PMFBP1: variants seen among roughly 807,000 people sequenced by gnomAD.
PMFBP1 encodes the protein polyamine modulated factor 1 binding protein 1, also known as polyamine-modulated factor 1-binding protein 1.
In PMFBP1, 131 loss-of-function variants were observed where a neutral mutation model predicts 137.8. That is an observed-to-expected ratio of 0.95 (90% CI 0.82 to 1.10). The LOEUF (loss-of-function observed/expected upper bound fraction) is 1.10, where lower values mean the gene tolerates loss of function less well. Among genes scored for constraint, PMFBP1 ranks in the 50% least tolerant of loss-of-function variants. The pLI is 0.00. For synonymous variants in PMFBP1, 490 were observed against 450.4 expected (o/e 1.09, Z -1.11); for missense variants, 1,199 against 1,175.4 (o/e 1.02, Z -0.29).
intron 5 of PMFBP1, among the ~76,000 whole-genome samples, chr16:72,143,553 G>C (rs1296387395): frequency 6.7e-6 from 1 of 149,742 alleles, no homozygotes; most frequent in Non-Finnish European, 1.5e-5. Context: ...GACCAGCCTG[G>C]CCAACATGGT....
intron 3 of PMFBP1, among the ~76,000 whole-genome samples, chr16:72,157,395 A>C (rs1009981181): frequency 2.6e-5 from 4 of 152,132 alleles, no homozygotes; most frequent in Non-Finnish European, 5.9e-5. Flanking sequence ...TGGAAGGCCA[A>C]ATTGAGAAGC....
chr16:72,237,636 CT>C, the PMFBP1 span, among the ~76,000 whole-genome samples: 2 of 151,728 alleles, frequency 1.3e-5, no homozygotes, highest in African/African-American at 2.4e-5. Flanking sequence ...CTCTATATGT[CT>C]TTTTTTTAAA....
chr16:72,201,911 A>T, the PMFBP1 span, among the ~76,000 whole-genome samples: 2 of 152,174 alleles, frequency 1.3e-5, no homozygotes, highest in South Asian at 2.1e-4. Flanking sequence ...GGCCTCCCAG[A>T]TCCTTCTCAT....
intron 5 of PMFBP1, among the ~76,000 whole-genome samples, chr16:72,142,944 G>T (rs2144363663): frequency 6.6e-6 from 1 of 151,668 alleles, no homozygotes; most frequent in Middle Eastern, 3.4e-3. Flanking sequence ...GAAAATAGAT[G>T]AAAAAAAATT....
chr16:72,125,329 T>G lies in PMFBP1; in HGVS notation c.2330A>C (p.Glu777Ala). ...TQTQEKKAQL[E>A]EEIIAYEERM... ...TTCCTCATAAGCAATGATTTCCTCTTCCAGCTGAGCTTTCTTCTCTTGGGT... is the reference window on the plus strand; with the variant it reads ...TTCCTCATAAGCAATGATTTCCTCTGCCAGCTGAGCTTTCTTCTCTTGGGT... The change falls in exon 16 of 21, where the codon GAA becomes GCA. Residue 777 changes from glutamate to alanine, a missense_variant. Coordinates refer to ENST00000237353, the MANE Select transcript of PMFBP1 (RefSeq NM_031293.3). 1.9e-6 allele frequency: 3 copies of G among 1,614,166 alleles called. No homozygotes were observed. Among genetic ancestry groups the G allele is most frequent in the Non-Finnish European group, 2.5e-6 (3 of 1,180,028 alleles).
intron 5 of PMFBP1, among the ~76,000 whole-genome samples, chr16:72,141,424 TTTC>T (rs2042720628): frequency 6.6e-6 from 1 of 152,224 alleles, no homozygotes; most frequent in Admixed American, 6.5e-5. Flanking sequence ...GATCTGAATT[TTTC>T]TTTGACCGTC....
At chr16:72,143,665 C>T (rs1200614429) in intron 5 of PMFBP1, among the ~76,000 whole-genome samples, 1 of 151,956 alleles carries the variant, frequency 6.6e-6, no homozygotes, top group East Asian at 1.9e-4. Context: ...ATTGCTTGAA[C>T]CCAAGAGGCG....
chr16:72,243,667 T>C, the PMFBP1 span, among the ~76,000 whole-genome samples: 1,172 of 152,312 alleles, frequency 7.7e-3, 18 homozygotes, highest in African/African-American at 0.027. Flanking sequence ...TCAGCAGGAC[T>C]GCCAGTCCAA....
chr16:72,130,390 C>T, intron 11 of PMFBP1, 33 bp from the exon 12 acceptor site: 1 of 1,613,792 alleles, frequency 6.2e-7, no homozygotes, highest in South Asian at 1.1e-5. Context: ...GGAGGACAGA[C>T]TTCAGTGCCC....
At chr16:72,227,959 A>G in the PMFBP1 span, among the ~76,000 whole-genome samples, 1 of 152,352 alleles carries the variant, frequency 6.6e-6, no homozygotes, top group Admixed American at 6.5e-5. Flanking sequence ...GTAAACACCT[A>G]AACGCCAAGT....
At chr16:72,216,240 C>T in the PMFBP1 span, among the ~76,000 whole-genome samples, 1 of 152,182 alleles carries the variant, frequency 6.6e-6, no homozygotes. Context: ...TAGAGGAGAG[C>T]TGCCCTACGA....
chr16:72,175,006 A>T (rs2043252738), upstream of PMFBP1, among the ~76,000 whole-genome samples: 1 of 152,188 alleles, frequency 6.6e-6, no homozygotes, highest in South Asian at 2.1e-4. Flanking sequence ...ACACATGCAC[A>T]CACATACCAC....
intron 18 of PMFBP1, 152 bp from the exon 19 acceptor site, chr16:72,123,140 T>C (rs2042401481): frequency 1.5e-6 from 1 of 665,462 alleles, no homozygotes; most frequent in Admixed American, 2.7e-5. Context: ...GCTAAGGCCT[T>C]CCTAGCACCT....
intron 5 of PMFBP1, 73 bp downstream of exon 5, chr16:72,150,535 C>G: frequency 6.9e-7 from 1 of 1,447,848 alleles, no homozygotes; most frequent in Non-Finnish European, 9.7e-7. Flanking sequence ...GTGGAGGAGG[C>G]TGGGACTGTC....
intron 9 of PMFBP1, among the ~76,000 whole-genome samples, chr16:72,133,428 C>T: frequency 6.6e-6 from 1 of 152,168 alleles, no homozygotes; most frequent in East Asian, 1.9e-4. Context: ...ATCCACCTGC[C>T]TCAGCCTCCC....
chr16:72,154,574 A>G, intron 3 of PMFBP1, 115 bp from the exon 4 acceptor site: 12 of 1,197,420 alleles, frequency 1.0e-5, no homozygotes, highest in Non-Finnish European at 1.3e-5. Flanking sequence ...CCATCTTTTT[A>G]TCTTTTCATC....
intron 14 of PMFBP1, 104 bp downstream of exon 14, chr16:72,128,553 A>G: frequency 6.2e-7 from 1 of 1,603,322 alleles, no homozygotes; most frequent in Non-Finnish European, 8.5e-7. Flanking sequence ...CAGTTGGCTG[A>G]GCAGTTAGCT....
the PMFBP1 span, among the ~76,000 whole-genome samples, chr16:72,224,280 T>A: frequency 1.3e-5 from 2 of 152,172 alleles, no homozygotes; most frequent in Non-Finnish European, 2.9e-5. Flanking sequence ...CTCTTTCTTG[T>A]CTGAGCTCTT....
At chr16:72,149,531 G>A (rs1263202854) in intron 5 of PMFBP1, among the ~76,000 whole-genome samples, 1 of 152,134 alleles carries the variant, frequency 6.6e-6, no homozygotes, top group African/African-American at 2.4e-5. Flanking sequence ...TTGTCAAGAT[G>A]TGCAGTTTAG....
Sources: allele counts gnomAD v4.1 joint callset (sites outside exome capture counted in the v4.1 genomes callset), GRCh38; gene constraint gnomAD v4.1.1; transcripts MANE v1.5; gene names NCBI Gene and HGNC (gene_info 2026-07-23, HGNC 2026-07-21).